The following FTO variants were observed in gnomAD, a reference collection of about 807,000 sequenced individuals.
The protein encoded by FTO is FTO alpha-ketoglutarate dependent dioxygenase.
A neutral mutation model predicts 63.9 loss-of-function variants in FTO; 47 were observed. The ratio of observed to expected loss-of-function variants is 0.74; its 90% CI spans 0.58 to 0.94. The LOEUF (loss-of-function observed/expected upper bound fraction) is 0.94, where lower values mean the gene tolerates loss of function less well. Ranked by LOEUF, FTO falls within the 40% of genes least tolerant of loss-of-function variation. The probability of loss-of-function intolerance (pLI) is 0.00; values close to 1 mark genes in which losing one functional copy is unlikely to be tolerated. For missense variants in FTO, 562 were observed against 618.1 expected (o/e 0.91, Z 0.96); for synonymous variants, 207 against 224.4 (o/e 0.92, Z 0.69).
intron 8 of FTO, among the ~76,000 whole-genome samples, chr16:54,035,641 T>A (rs2084928138): frequency 6.6e-6 from 1 of 152,176 alleles, no homozygotes; most frequent in African/African-American, 2.4e-5. Context: ...TAATTGTAGA[T>A]CATTGTCCCA....
chr16:53,778,423 T>G (rs1328212986), intron 1 of FTO, among the ~76,000 whole-genome samples: 1 of 152,182 alleles, frequency 6.6e-6, no homozygotes, highest in African/African-American at 2.4e-5. Flanking sequence ...ACTAGTTTAG[T>G]TTGGTACCGC....
At chr16:53,871,302 A>G (rs2080484887) in intron 4 of FTO, among the ~76,000 whole-genome samples, 1 of 152,108 alleles carries the variant, frequency 6.6e-6, no homozygotes, top group South Asian at 2.1e-4. Context: ...AAATGGCTTA[A>G]TATTGTCCTG....
chr16:54,019,521 T>C (rs149556137), intron 8 of FTO, among the ~76,000 whole-genome samples: 40 of 152,360 alleles, frequency 2.6e-4, no homozygotes, highest in Non-Finnish European at 5.0e-4. Context: ...CTTTGTCCAA[T>C]GTGGAAGGTC....
intron 5 of FTO, among the ~76,000 whole-genome samples, chr16:53,874,124 G>A (rs1478185722): frequency 6.6e-6 from 1 of 152,220 alleles, no homozygotes; most frequent in African/African-American, 2.4e-5. Context: ...CCGTTGACAA[G>A]TGTTTATAGT....
intron 7 of FTO, among the ~76,000 whole-genome samples, chr16:53,912,681 C>T (rs890042101): frequency 1.3e-5 from 2 of 152,088 alleles, no homozygotes; most frequent in East Asian, 1.9e-4. Context: ...ACTTGTTCAC[C>T]GGTTCATTTC....
rs748820946 is a variant in FTO, at chr16:53,934,006, G to T, written c.1261G>T (p.Val421Phe). 7 of 1,613,976 alleles carry T rather than the reference G, an allele frequency of 4.3e-6. No individual in the cohort carries two copies. The highest frequency in any genetic ancestry group is 5.9e-6 in the Non-Finnish European group (7 of 1,179,908). Residue 421 changes from valine to phenylalanine, a missense_variant, in exon 8 of 9, where the codon GTT becomes TTT. By Grantham distance (50) the Val-to-Phe change is conservative. Coordinates refer to ENST00000471389, the MANE Select transcript of FTO (RefSeq NM_001080432.3). ...GTAGACAAATGCTGTGCTTCATGAA[G>T]TTAAAAGAGAGGGGCTCCCCGTGGA... ...EGVTNAVLHE[V>F]KREGLPVEQR...
rs2086964161 is a variant in FTO, at chr16:54,114,963, AGGTG to A, written c.*3052_*3055del. The A allele has an allele frequency of 6.6e-6, 1 of 152,292 alleles. No homozygotes were observed. Among genetic ancestry groups the A allele is most frequent in the Admixed American group, 6.5e-5 (1 of 15,278 alleles). 9.4% of individuals were successfully genotyped at this position (152,292 alleles called of 1,614,324 possible). On this transcript the variant is annotated 3_prime_UTR_variant, in exon 9 of 9. Transcript: ENST00000471389. ...TTCATGTGCTCTCCAGGGAGGTTTC[AGGTG>A]GGTAGAAGGAGGTGGGCAAGACCCA... is the stretch of plus-strand genomic sequence containing the variant.
At chr16:54,037,125 T>A (rs2084958918) in intron 8 of FTO, among the ~76,000 whole-genome samples, 1 of 152,192 alleles carries the variant, frequency 6.6e-6, no homozygotes, top group Non-Finnish European at 1.5e-5. Context: ...CTCTTTAGGA[T>A]CTCAATTCCA....
At chr16:54,105,943 G>A (rs569919096) in intron 8 of FTO, among the ~76,000 whole-genome samples, 234 of 152,218 alleles carry the variant, frequency 1.5e-3, no homozygotes, top group African/African-American at 5.6e-3. Flanking sequence ...GGACAAGGAA[G>A]AAGACCGTGT....
intron 8 of FTO, among the ~76,000 whole-genome samples, chr16:53,965,186 G>C (rs2083170423): frequency 1.3e-5 from 2 of 152,122 alleles, no homozygotes; most frequent in Non-Finnish European, 2.9e-5. Flanking sequence ...CGATTCTCCT[G>C]CCTCAGCCTC....
At chr16:53,886,322 T>A (rs540390833) in intron 6 of FTO, among the ~76,000 whole-genome samples, 10 of 152,334 alleles carry the variant, frequency 6.6e-5, no homozygotes, top group African/African-American at 2.4e-4. Flanking sequence ...TCAACAGGCA[T>A]AACCAGCCCA....
intron 7 of FTO, among the ~76,000 whole-genome samples, chr16:53,925,070 A>T (rs1418568753): frequency 6.7e-5 from 8 of 119,136 alleles, no homozygotes; most frequent in African/African-American, 1.2e-4. Context: ...TTTTTTTTGT[A>T]AAAAAAAAAA....
intron 3 of FTO, among the ~76,000 whole-genome samples, chr16:53,843,585 T>C (rs1296933227): frequency 6.6e-6 from 1 of 152,188 alleles, no homozygotes; most frequent in Non-Finnish European, 1.5e-5. Flanking sequence ...TTTATATATT[T>C]AGAAAAACAT....
At chr16:53,920,439 T>A (rs927860302) in intron 7 of FTO, among the ~76,000 whole-genome samples, 2 of 152,230 alleles carry the variant, frequency 1.3e-5, no homozygotes, top group African/African-American at 4.8e-5. Flanking sequence ...AGTTTATGCA[T>A]CAGCTTTGCT....
intron 1 of FTO, among the ~76,000 whole-genome samples, chr16:53,739,866 A>G (rs2076490271): frequency 6.6e-6 from 1 of 152,180 alleles, no homozygotes; most frequent in Admixed American, 6.5e-5. Flanking sequence ...ATTGTCTTCA[A>G]AAATATTTGC....
intron 8 of FTO, among the ~76,000 whole-genome samples, chr16:54,063,235 A>C (rs2085629978): frequency 6.6e-6 from 1 of 152,182 alleles, no homozygotes; most frequent in African/African-American, 2.4e-5. Flanking sequence ...AAGTTATGAG[A>C]GCAAAATACT....
chr16:53,904,805 C>T (rs777592643), intron 7 of FTO, among the ~76,000 whole-genome samples: 4 of 152,030 alleles, frequency 2.6e-5, no homozygotes, highest in Admixed American at 6.5e-5. Context: ...CTCTCCTGCT[C>T]GCCTCGTTCT....
intron 8 of FTO, among the ~76,000 whole-genome samples, chr16:54,021,100 C>A (rs2084589127): frequency 6.6e-6 from 1 of 152,140 alleles, no homozygotes; most frequent in Non-Finnish European, 1.5e-5. Context: ...ACCATAGCTA[C>A]CTGTGCAGGA....
At chr16:53,955,091 G>A (rs2082896541) in intron 8 of FTO, among the ~76,000 whole-genome samples, 2 of 152,108 alleles carry the variant, frequency 1.3e-5, no homozygotes, top group South Asian at 4.1e-4. Flanking sequence ...ATCCCATAAA[G>A]CATTCTTTAA....
Sources: gnomAD v4.1 joint callset for allele counts (sites outside exome capture counted in the v4.1 genomes callset) on GRCh38, gnomAD v4.1.1 for gene constraint, MANE v1.5 for transcripts, NCBI Gene and HGNC (gene_info 2026-07-23, HGNC 2026-07-21) for gene names.